Variants in GFM2 observed in about 807,000 individuals in gnomAD.
GFM2 encodes the protein ribosome-releasing factor 2, mitochondrial.
GFM2 carries 72 observed loss-of-function variants against 95.4 expected under a neutral mutation model. The ratio of observed to expected loss-of-function variants is 0.76; its 90% CI spans 0.62 to 0.92. The LOEUF is 0.92. GFM2 is among the 40% of genes least tolerant of loss of function. GFM2 has a pLI of 0.00. For missense variants in GFM2, 825 were observed against 924.1 expected (o/e 0.89, Z 1.39); for synonymous variants, 276 against 317.5 (o/e 0.87, Z 1.39).
At chr5:74,765,196 TA>T (rs1561268339) in intron 1 of GFM2, 1 of 953,156 alleles carries the variant, frequency 1.0e-6, no homozygotes, top group Non-Finnish European at 1.3e-6. Context: ...TGGTTGTCAA[TA>T]AAAAGATAAT....
At chr5:74,747,218 C>G (rs1317085642) in intron 8 of GFM2, among the ~76,000 whole-genome samples, 1 of 152,216 alleles carries the variant, frequency 6.6e-6, no homozygotes, top group Non-Finnish European at 1.5e-5. Flanking sequence ...GCAGGTCTTA[C>G]AGCATCTACA....
rs866244233 is a variant in GFM2, at chr5:74,738,610, G to A, written c.1112C>T (p.Ala371Val). Residue 371 changes from alanine (A) to valine (V), a missense_variant, in exon 13 of 21, where the codon GCA becomes GTA. Physicochemically the swap from Ala to Val is moderately conservative, Grantham distance 64. Transcript: ENST00000296805. ...CTGCTTGTCATGGAGAACTTTAAAT[G>A]CCAATGCACATAAGTCATCCTTATA... ...QWYKDDLCAL[A>V]FKVLHDKQRG... 1.2e-6 allele frequency: 2 copies of A among 1,613,272 alleles called. No individual in the cohort carries two copies. The highest frequency in any genetic ancestry group is 3.3e-5 in the Admixed American group (2 of 59,936).
intron 1 of GFM2, among the ~76,000 whole-genome samples, chr5:74,766,700 C>T (rs1399145097): frequency 6.6e-6 from 1 of 152,206 alleles, no homozygotes; most frequent in African/African-American, 2.4e-5. Flanking sequence ...GTTTTCATTC[C>T]TCAGTATCCT....
At chr5:74,754,875 G>A (rs753845541) in intron 5 of GFM2, among the ~76,000 whole-genome samples, 2 of 152,168 alleles carry the variant, frequency 1.3e-5, no homozygotes, top group African/African-American at 4.8e-5. Context: ...CAGCACTTTG[G>A]AAGGCTGAGG....
At chr5:74,744,829 C>T (rs766455362) in intron 10 of GFM2, among the ~76,000 whole-genome samples, 3 of 152,112 alleles carry the variant, frequency 2.0e-5, no homozygotes, top group Non-Finnish European at 4.4e-5. Context: ...CCTCAAAGCC[C>T]ATCCACAGGA....
chr5:74,744,647 A>T (rs1293234975), intron 10 of GFM2, among the ~76,000 whole-genome samples: 1 of 152,192 alleles, frequency 6.6e-6, no homozygotes. Flanking sequence ...TGGTTTTAAA[A>T]TTTTCTAAAT....
At chr5:74,737,572 A>C (rs1459847290) in intron 14 of GFM2, among the ~76,000 whole-genome samples, 1 of 152,174 alleles carries the variant, frequency 6.6e-6, no homozygotes, top group East Asian at 1.9e-4. Flanking sequence ...ACATACAAGG[A>C]GCTCCTGCCT....
chr5:74,747,525 T>A (rs112613288), intron 8 of GFM2, among the ~76,000 whole-genome samples, 167 bp downstream of exon 8: 1 of 152,214 alleles, frequency 6.6e-6, no homozygotes, highest in Non-Finnish European at 1.5e-5. Context: ...ACCTATGGAT[T>A]AGCTGCTTTG....
chr5:74,750,507 TA>T, intron 7 of GFM2, 71 bp downstream of exon 7: 1 of 1,044,280 alleles, frequency 9.6e-7, no homozygotes, highest in Non-Finnish European at 1.4e-6. Context: ...TACAGTTAAC[TA>T]AATTTGACAT....
intron 15 of GFM2, chr5:74,736,504 T>C (rs1742841043): frequency 5.1e-6 from 5 of 985,152 alleles, no homozygotes; most frequent in South Asian, 4.7e-5. Flanking sequence ...TAATCTAATA[T>C]ACTAGAAGGG....
Position 74,767,082 on chromosome 5 carries a change from G to T in GFM2, c.-169C>A. On this transcript the variant is annotated 5_prime_UTR_variant, in exon 1 of 21. Coordinates refer to ENST00000296805, the MANE Select transcript of GFM2 (RefSeq NM_032380.5). ...AATGTATCTAAACGAAAAGAAAATA[G>T]GCTTTCTCCGCTCTACCGCCTCGGG... is the stretch of plus-strand genomic sequence containing the variant. 1 of 439,762 alleles carries T rather than the reference G, an allele frequency of 2.3e-6. No individual in the cohort carries two copies. The highest frequency in any genetic ancestry group is 4.2e-6 in the Non-Finnish European group (1 of 240,810). 27.2% of individuals were successfully genotyped at this position (439,762 alleles called of 1,614,324 possible). A position where few individuals can be genotyped will look rare whatever the true frequency, so the allele number is the denominator to read the frequency against.
chr5:74,764,770 CCT>C (rs1491146074), intron 1 of GFM2, among the ~76,000 whole-genome samples: 1 of 148,156 alleles, frequency 6.7e-6, no homozygotes, highest in Non-Finnish European at 1.5e-5. Context: ...GAATCTGTTC[CCT>C]TTGTTGTTTT....
intron 19 of GFM2, 116 bp from the exon 20 acceptor site, chr5:74,722,677 C>T (rs1036380796): frequency 1.3e-5 from 10 of 743,950 alleles, no homozygotes; most frequent in African/African-American, 1.1e-4. Flanking sequence ...TTAAAGATAA[C>T]GTTTTATAAG....
chr5:74,741,610 CTA>C lies in GFM2; in HGVS notation c.850-3_850-2del, dbSNP rs1300006088. The C allele has an allele frequency of 1.3e-6, 2 of 1,548,658 alleles. No homozygotes were observed. The highest frequency in any genetic ancestry group is 3.5e-5 in the Admixed American group (2 of 57,654). On this transcript the variant is annotated splice_acceptor_variant and splice_polypyrimidine_tract_variant and intron_variant, in intron 10 of 20. Transcript: ENST00000296805. LOFTEE classifies it high-confidence loss of function. The stretch of plus-strand genomic sequence containing the variant: ...CAAATTCATCATCCAAATCTGCAAC[CTA>C]TAAAGAAAGGTTTTAGAGTTCTATA...
In GFM2 at chr5:74,725,356, A is replaced by C. The variant is rs531599837; in HGVS notation, c.2028+284T>G. Among the ~76,000 whole-genome samples the C allele has an allele frequency of 3.3e-5, 5 of 152,298 alleles. No individual in the cohort carries two copies. In the East Asian group the frequency reaches 9.7e-4, roughly 29 times the overall value. On this transcript the variant is annotated intron_variant, in intron 19 of 20. Coordinates refer to ENST00000296805, the MANE Select transcript of GFM2 (RefSeq NM_032380.5). Reference sequence around the variant, plus strand: ...TGCTTGCCTCTAATAGCTGTCTGTCAGGGATGGGGAAAGCAGAAATGTCAC... The same window carrying C: ...TGCTTGCCTCTAATAGCTGTCTGTCCGGGATGGGGAAAGCAGAAATGTCAC...
intron 11 of GFM2, among the ~76,000 whole-genome samples, chr5:74,741,228 C>A (rs2112274714): frequency 1.3e-5 from 2 of 152,138 alleles, no homozygotes; most frequent in East Asian, 3.9e-4. Flanking sequence ...CCCTAAACAT[C>A]CTTAGAGGAA....
intron 15 of GFM2, among the ~76,000 whole-genome samples, chr5:74,733,811 C>T (rs1478809946): frequency 1.3e-5 from 2 of 151,964 alleles, no homozygotes; most frequent in African/African-American, 4.8e-5. Flanking sequence ...TAATGAAGTG[C>T]CAAAAGGAGG....
At position 74,744,247 on chromosome 5, in the gene GFM2, T is replaced by A. The variant is rs528516871; in HGVS notation, c.849+1431A>T. Among the ~76,000 whole-genome samples the A allele has an allele frequency of 2.6e-4, 39 of 152,294 alleles. No homozygotes were observed. In the South Asian group the frequency reaches 7.9e-3, roughly 31 times the overall value. ...TGTAACACAATGGTAAGTATTTGTG[T>A]ATCTCAACATAGAAAAGGTACAGGA... On this transcript the variant is annotated intron_variant, in intron 10 of 20. Coordinates refer to ENST00000296805, the MANE Select transcript of GFM2 (RefSeq NM_032380.5).
chr5:74,723,036 A>G (rs546597119), intron 19 of GFM2, among the ~76,000 whole-genome samples: 6 of 152,280 alleles, frequency 3.9e-5, no homozygotes, highest in African/African-American at 1.4e-4. Context: ...GAACATGCAT[A>G]AAGAATGTGG....
Sources: allele counts gnomAD v4.1 joint callset (sites outside exome capture counted in the v4.1 genomes callset), GRCh38; gene constraint gnomAD v4.1.1; transcripts MANE v1.5; gene names NCBI Gene and HGNC (gene_info 2026-07-23, HGNC 2026-07-21).